The following CNKSR2 variants were observed in gnomAD, a reference collection of about 807,000 sequenced individuals.
CNKSR2 encodes the protein CNK homolog protein 2.
A neutral mutation model predicts 84.4 loss-of-function variants in CNKSR2; 14 were observed. The observed-to-expected ratio is 0.17, with a 90% CI of 0.11 to 0.26. The LOEUF is 0.26. CNKSR2 is among the 10% of genes least tolerant of loss of function. CNKSR2 has a pLI of 1.00. For missense variants in CNKSR2, 485 were observed against 771.2 expected (o/e 0.63, Z 4.40); for synonymous variants, 275 against 277.9 (o/e 0.99, Z 0.10).
intron 3 of CNKSR2, among the ~76,000 whole-genome samples, chrX:21,440,145 CT>C (rs1239607101): frequency 2.7e-5 from 3 of 111,409 alleles, no homozygotes; most frequent in African/African-American, 9.7e-5. Flanking sequence ...GTCACTTAAT[CT>C]TTCTCTACCT....
chrX:21,404,526 C>T (rs1363060777), intron 1 of CNKSR2, among the ~76,000 whole-genome samples: 1 of 110,399 alleles, frequency 9.1e-6, no homozygotes, highest in Non-Finnish European at 1.9e-5. Flanking sequence ...TGGTGGCTCA[C>T]ACCTGTAACC....
In CNKSR2 at chrX:21,442,587, C is replaced by A. The variant is rs770786772; in HGVS notation, c.519+1806C>A. 9.8e-5 allele frequency among the ~76,000 whole-genome samples: 11 copies of A among 111,971 alleles called. No individual in the cohort carries two copies. The East Asian group carries it at 2.8e-3, about 29-fold the overall frequency. Reference sequence around the variant, plus strand: ...AAAATACATGGGGCAAGGTTGTAATCTTGGAAGATTTGAGACTCAGCCCTG... The same window carrying A: ...AAAATACATGGGGCAAGGTTGTAATATTGGAAGATTTGAGACTCAGCCCTG... On this transcript the variant is annotated intron_variant, in intron 4 of 21. Coordinates refer to ENST00000379510, the MANE Select transcript of CNKSR2 (RefSeq NM_014927.5).
intron 17 of CNKSR2, 103 bp from the exon 18 acceptor site, chrX:21,601,179 A>C (rs759115666): frequency 4.2e-6 from 2 of 473,563 alleles, no homozygotes; most frequent in East Asian, 4.0e-5. Flanking sequence ...TATATGTAGG[A>C]TTATTCCGTA....
chrX:21,379,938 G>A (rs780142608), intron 1 of CNKSR2, among the ~76,000 whole-genome samples: 8 of 111,436 alleles, frequency 7.2e-5, no homozygotes, highest in Non-Finnish European at 1.3e-4. Context: ...AATCTAAGAG[G>A]GATGTATACT....
chrX:21,555,442 GAT>G (rs1352634976), intron 11 of CNKSR2, among the ~76,000 whole-genome samples: 1 of 111,256 alleles, frequency 9.0e-6, no homozygotes, highest in African/African-American at 3.3e-5. Context: ...ACTGGATCCA[GAT>G]ATGTTACCAT....
intron 1 of CNKSR2, among the ~76,000 whole-genome samples, chrX:21,421,547 G>A (rs756308420): frequency 5.4e-5 from 6 of 110,540 alleles, no homozygotes; most frequent in Non-Finnish European, 9.5e-5. Context: ...TCCACCTCTC[G>A]CCTATTGTGA....
At chrX:21,447,726 T>G (rs2090873538) in intron 4 of CNKSR2, among the ~76,000 whole-genome samples, 1 of 111,998 alleles carries the variant, frequency 8.9e-6, no homozygotes, top group Non-Finnish European at 1.9e-5. Context: ...GTCCCCATGC[T>G]CTTCTGTGTC....
intron 1 of CNKSR2, among the ~76,000 whole-genome samples, chrX:21,413,401 T>C (rs987704747): frequency 9.0e-6 from 1 of 111,013 alleles, no homozygotes; most frequent in South Asian, 3.9e-4. Context: ...AATCACATCA[T>C]GGAGAATGGG....
intron 11 of CNKSR2, among the ~76,000 whole-genome samples, chrX:21,557,523 A>T (rs1052357557): frequency 7.2e-5 from 8 of 111,247 alleles, no homozygotes; most frequent in Non-Finnish European, 9.5e-5. Context: ...GACACCAATT[A>T]AAAAACTCTA....
intron 4 of CNKSR2, among the ~76,000 whole-genome samples, chrX:21,453,266 A>T (rs1347179162): frequency 8.9e-6 from 1 of 111,769 alleles, no homozygotes; most frequent in Non-Finnish European, 1.9e-5. Flanking sequence ...ATTGGCATGT[A>T]TCCTTTTGGT....
intron 5 of CNKSR2, among the ~76,000 whole-genome samples, chrX:21,474,092 A>G (rs915834828): frequency 5.5e-5 from 6 of 110,004 alleles, no homozygotes; most frequent in African/African-American, 1.7e-4. Flanking sequence ...TTTTATATGG[A>G]CCAGTAAATC....
chrX:21,435,453 C>T (rs986676825), intron 3 of CNKSR2, among the ~76,000 whole-genome samples: 5 of 111,193 alleles, frequency 4.5e-5, no homozygotes, highest in Admixed American at 9.6e-5. Flanking sequence ...ATGAGATACA[C>T]GTTCAAAGAC....
chrX:21,520,320 A>T (rs1358329624), intron 9 of CNKSR2, among the ~76,000 whole-genome samples: 1 of 111,144 alleles, frequency 9.0e-6, no homozygotes, highest in African/African-American at 3.3e-5. Flanking sequence ...AAAAACAGAG[A>T]TGTCTCATCT....
At chrX:21,438,671 G>A (rs917179710) in intron 3 of CNKSR2, among the ~76,000 whole-genome samples, 2 of 111,171 alleles carry the variant, frequency 1.8e-5, no homozygotes, top group Admixed American at 1.9e-4. Flanking sequence ...AAATACAAAG[G>A]AATGTACTGT....
intron 5 of CNKSR2, among the ~76,000 whole-genome samples, chrX:21,480,584 T>C (rs1303423948): frequency 8.9e-6 from 1 of 111,802 alleles, no homozygotes; most frequent in Non-Finnish European, 1.9e-5. Flanking sequence ...AGCAGATAAA[T>C]AGAATTGAGA....
intron 9 of CNKSR2, among the ~76,000 whole-genome samples, chrX:21,522,220 G>T (rs2091791665): frequency 9.0e-6 from 1 of 110,634 alleles, no homozygotes; most frequent in Non-Finnish European, 1.9e-5. Context: ...GAATGATGGG[G>T]TATTGTGATC....
chrX:21,490,957 TG>T (rs926591283), intron 6 of CNKSR2: 1 of 115,866 alleles, frequency 8.6e-6, no homozygotes, highest in African/African-American at 3.2e-5. Context: ...TTGTTTTGTT[TG>T]TTTTACTTTG....
intron 12 of CNKSR2, among the ~76,000 whole-genome samples, chrX:21,562,043 G>A (rs1031456711): frequency 1.7e-4 from 18 of 108,462 alleles, no homozygotes; most frequent in African/African-American, 4.3e-4. Context: ...AAAAAAAACC[G>A]TGCTTTTTTT....
At chrX:21,581,650 C>A (rs2092353819) in intron 13 of CNKSR2, among the ~76,000 whole-genome samples, 1 of 111,738 alleles carries the variant, frequency 8.9e-6, no homozygotes, top group African/African-American at 3.3e-5. Flanking sequence ...ACAGGATGCG[C>A]TGACAGATTG....
Sources: gnomAD v4.1 joint callset for allele counts (sites outside exome capture counted in the v4.1 genomes callset) on GRCh38, gnomAD v4.1.1 for gene constraint, MANE v1.5 for transcripts, NCBI Gene and HGNC (gene_info 2026-07-23, HGNC 2026-07-21) for gene names.